The following KAT14 variants were observed in gnomAD, a reference collection of about 807,000 sequenced individuals.
KAT14 encodes the protein lysine acetyltransferase 14.
A neutral mutation model predicts 78.4 loss-of-function variants in KAT14; 66 were observed. The ratio of observed to expected loss-of-function variants is 0.84; its 90% CI spans 0.69 to 1.03. The LOEUF (loss-of-function observed/expected upper bound fraction) is 1.03, where lower values mean the gene tolerates loss of function less well. Ranked by LOEUF, KAT14 falls within the 50% of genes least tolerant of loss-of-function variation. The pLI is 0.00. For synonymous variants in KAT14, 344 were observed against 359.4 expected, an observed-to-expected ratio of 0.96 and a Z score of 0.48; for missense variants, 870 against 972.5, an observed-to-expected ratio of 0.89 and a Z score of 1.40.
Position 18,162,525 on chromosome 20 carries a change from G to A in KAT14, c.1248G>A (p.Glu416=). ...AGATAAAGCAGGAGGTAGAGAGTGA[G>A]GAGGAAAAACCCGACAGGATGGATA... ...PEQIKQEVES[E]EEKPDRMDID... The change falls in exon 7 of 11, where the codon GAG becomes GAA. Residue 416 remains glutamate (E), a synonymous_variant. Coordinates refer to ENST00000688188, the MANE Select transcript of KAT14 (RefSeq NM_001392073.1). 6 of 1,614,102 alleles carry A rather than the reference G, an allele frequency of 3.7e-6. No homozygotes were observed. The highest frequency in any genetic ancestry group is 5.1e-6 in the Non-Finnish European group (6 of 1,180,024).
chr20:18,145,358 A>T lies in KAT14; in HGVS notation c.378+7A>T. ...GAAGCTGACATGGCAGCAAGTGAGT[A>T]AAAAGCCCTTCCCCAAATCCATGAG... On this transcript the variant is annotated splice_region_variant and intron_variant, in intron 3 of 10. Coordinates refer to ENST00000688188, the MANE Select transcript of KAT14 (RefSeq NM_001392073.1). The T allele has an allele frequency of 6.2e-7, 1 of 1,613,926 alleles. No individual in the cohort carries two copies. The highest frequency in any genetic ancestry group is 8.5e-7 in the Non-Finnish European group (1 of 1,179,932).
chr20:18,150,866 C>T lies in KAT14; in HGVS notation c.424C>T (p.Arg142Cys), dbSNP rs1383004396. 1.2e-6 allele frequency: 2 copies of T among 1,614,030 alleles called. No homozygotes were observed. The highest frequency in any genetic ancestry group is 1.1e-5 in the South Asian group (1 of 91,082). ...CAACTTGTCTCTGGAAGGAAGTGGA[C>T]GTCAAGGTTATTTCAGGTGGAAAGA... is the stretch of plus-strand genomic sequence containing the variant. ...MYNLSLEGSG[R>C]QGYFRWKEDI... The change falls in exon 4 of 11, where the codon CGT (arginine) becomes TGT (cysteine). Residue 142 changes from arginine to cysteine, a missense_variant. Physicochemically the swap from Arg to Cys is radical, Grantham distance 180. Transcript: ENST00000688188.
intron 9 of KAT14, chr20:18,183,626 T>C: frequency 1.3e-5 from 10 of 764,850 alleles, no homozygotes; most frequent in Non-Finnish European, 1.6e-5. Context: ...TGGGCGTGTT[T>C]GGACACTTTT....
chr20:18,166,080 G>C (rs947172347), intron 7 of KAT14, among the ~76,000 whole-genome samples: 1 of 152,250 alleles, frequency 6.6e-6, no homozygotes, highest in East Asian at 1.9e-4. Context: ...ATAGATAATC[G>C]GTGCTGCGAA....
Position 18,142,885 on chromosome 20 carries a change from C to A in KAT14, c.225C>A (p.Tyr75Ter). 1 of 1,614,186 alleles carries A rather than the reference C, an allele frequency of 6.2e-7. No homozygotes were observed. Among genetic ancestry groups the A allele is most frequent in the Non-Finnish European group, 8.5e-7 (1 of 1,180,014 alleles). Residue 75 changes from tyrosine (Y) to a stop codon, truncating the protein, a stop_gained, in exon 2 of 11, where the codon TAC becomes TAA. Coordinates refer to ENST00000688188, the MANE Select transcript of KAT14 (RefSeq NM_001392073.1). LOFTEE classifies it high-confidence loss of function. ...CTTGGATGGAGGAGCAGCTGTCCTA[C>A]TTCTGTGACAAGTGCCAAAAATGGA... Reference protein sequence around the residue: ...DVSWMEEQLSYFCDKCQKWIP... With the variant: ...DVSWMEEQLS
chr20:18,177,832 G>A (rs1022713586), intron 7 of KAT14, among the ~76,000 whole-genome samples: 5 of 152,272 alleles, frequency 3.3e-5, no homozygotes, highest in Admixed American at 1.3e-4. Context: ...ATGACTGAGA[G>A]CCCTGGAGCG....
At chr20:18,165,211 C>T (rs1568669722) in intron 7 of KAT14, among the ~76,000 whole-genome samples, 1 of 133,022 alleles carries the variant, frequency 7.5e-6, no homozygotes, top group Non-Finnish European at 1.8e-5. Flanking sequence ...AAATGATATA[C>T]TTTTCGTTTA....
chr20:18,157,687 T>C (rs546145940), intron 4 of KAT14, among the ~76,000 whole-genome samples: 26 of 152,340 alleles, frequency 1.7e-4, no homozygotes, highest in African/African-American at 6.0e-4. Flanking sequence ...ATACTTCATA[T>C]ATGTAGAACC....
chr20:18,174,706 C>T (rs2146493222), intron 7 of KAT14, among the ~76,000 whole-genome samples: 1 of 151,154 alleles, frequency 6.6e-6, no homozygotes, highest in African/African-American at 2.4e-5. Context: ...TGTTGTCGCC[C>T]AGGCTGGAGT....
chr20:18,162,853 G>T lies in KAT14; in HGVS notation c.1576G>T (p.Gly526Ter). The change falls in exon 7 of 11, where the codon GGA becomes TGA. Residue 526 changes from glycine to a stop codon, truncating the protein, a stop_gained. Coordinates refer to ENST00000688188, the MANE Select transcript of KAT14 (RefSeq NM_001392073.1). LOFTEE classifies it high-confidence loss of function. ...TCTTTTGTTAGTTGACGGGATTTAT[G>T]GAGCCAAAGAAGGAGGAATTTCCAG... ...AALLLVDGIY[G>*]AKEGGISRLP... 3.1e-6 allele frequency: 5 copies of T among 1,614,178 alleles called. No individual in the cohort carries two copies. Among genetic ancestry groups the T allele is most frequent in the Non-Finnish European group, 4.2e-6 (5 of 1,180,028 alleles).
chr20:18,176,057 A>G (rs1211357907), intron 7 of KAT14, among the ~76,000 whole-genome samples: 1 of 150,754 alleles, frequency 6.6e-6, no homozygotes, highest in African/African-American at 2.4e-5. Context: ...TAATCCCCAC[A>G]CTTTGGGAGG....
At chr20:18,165,101 C>T (rs2038593139) in intron 7 of KAT14, among the ~76,000 whole-genome samples, 1 of 152,128 alleles carries the variant, frequency 6.6e-6, no homozygotes, top group Admixed American at 6.5e-5. Flanking sequence ...GTGTTGTAAA[C>T]ACCTTAGAAG....
At chr20:18,159,049 A>C in intron 4 of KAT14, 35 bp from the exon 5 acceptor site, 1 of 1,577,270 alleles carries the variant, frequency 6.3e-7, no homozygotes, top group Non-Finnish European at 8.6e-7. Context: ...AATGAGCAAA[A>C]GTGCCAATCA....
Position 18,162,809 on chromosome 20 carries a change from A to G in KAT14, c.1532A>G (p.Asp511Gly). Residue 511 changes from aspartate to glycine, a missense_variant, in exon 7 of 11, where the codon GAT becomes GGT. Coordinates refer to ENST00000688188, the MANE Select transcript of KAT14 (RefSeq NM_001392073.1). Reference protein sequence around the residue: ...RDRGLPLFDLDQVVNAALLLV... With the variant: ...RDRGLPLFDLGQVVNAALLLV... ...AGGGGATTACCACTTTTTGACTTGG[A>G]TCAAGTTGTTAATGCTGCTCTTTTG... is the stretch of plus-strand genomic sequence containing the variant. The G allele has an allele frequency of 6.2e-7, 1 of 1,614,230 alleles. No individual in the cohort carries two copies. The highest frequency in any genetic ancestry group is 8.5e-7 in the Non-Finnish European group (1 of 1,180,034).
At chr20:18,145,463 T>C (rs2037791674) in intron 3 of KAT14, 112 bp downstream of exon 3, 2 of 1,427,614 alleles carry the variant, frequency 1.4e-6, no homozygotes, top group East Asian at 2.3e-5. Flanking sequence ...AGGGGCACTT[T>C]TTATTTCGCA....
At position 18,142,452 on chromosome 20, in the gene KAT14, T is replaced by G; in HGVS notation, c.-209T>G. 6.8e-7 allele frequency: 1 copy of G among 1,460,630 alleles called. No individual in the cohort carries two copies. Among genetic ancestry groups the G allele is most frequent in the Non-Finnish European group, 9.0e-7 (1 of 1,112,286 alleles). The allele number at this position is 1,460,630 out of a possible 1,614,324, so 90.5% of individuals were successfully genotyped here. ...GTAGTATCTTCATCTTTTTTTTTGG[T>G]CACTGTCCTTTTAAACTTGATCAAA... On this transcript the variant is annotated 5_prime_UTR_variant, in exon 2 of 11. Transcript: ENST00000688188.
intron 3 of KAT14, among the ~76,000 whole-genome samples, chr20:18,146,458 G>A (rs1307181925): frequency 6.6e-6 from 1 of 152,046 alleles, no homozygotes; most frequent in Admixed American, 6.6e-5. Context: ...TCGGGAGTTC[G>A]AGACCAGCCT....
intron 7 of KAT14, among the ~76,000 whole-genome samples, chr20:18,169,315 A>G (rs1482286927): frequency 6.6e-6 from 1 of 152,192 alleles, no homozygotes; most frequent in East Asian, 1.9e-4. Flanking sequence ...TTTTGTACAA[A>G]TGGAAGGTTT....
intron 1 of KAT14, among the ~76,000 whole-genome samples, chr20:18,140,812 CCTT>C (rs1172412120): frequency 1.9e-4 from 20 of 107,464 alleles, no homozygotes; most frequent in African/African-American, 6.6e-4. Flanking sequence ...GAACGAGACT[CCTT>C]CTCAAAAAAA....
Sources: gnomAD v4.1 joint callset for allele counts (sites outside exome capture counted in the v4.1 genomes callset) on GRCh38, gnomAD v4.1.1 for gene constraint, MANE v1.5 for transcripts, NCBI Gene and HGNC (gene_info 2026-07-23, HGNC 2026-07-21) for gene names.